The following MOK variants were observed in gnomAD, a reference collection of about 807,000 sequenced individuals.
The protein encoded by MOK is MAPK/MAK/MRK overlapping kinase.
MOK carries 59 observed loss-of-function variants against 54.2 expected under a neutral mutation model. The ratio of observed to expected loss-of-function variants is 1.09; its 90% CI spans 0.88 to 1.35. The LOEUF is 1.35. MOK is among the 40% of genes most tolerant of loss of function. The pLI is 0.00. For synonymous variants in MOK, 210 were observed against 202.7 expected (o/e 1.04, Z -0.31); for missense variants, 517 against 526.2 (o/e 0.98, Z 0.17).
downstream of MOK, among the ~76,000 whole-genome samples, chr14:102,222,652 A>G (rs74641524): frequency 5.7e-3 from 872 of 152,286 alleles, 18 homozygotes; most frequent in East Asian, 0.034. This position sits in a 1 kb window ranked among gnomAD's most constrained non-coding sequence, Gnocchi z 4.4. Context: ...TTCTCTAGGA[A>G]TGGAACGCAG....
chr14:102,242,125 G>T (rs142962015), intron 7 of MOK, among the ~76,000 whole-genome samples: 3 of 152,162 alleles, frequency 2.0e-5, no homozygotes, highest in African/African-American at 7.2e-5. Context: ...TGATTGCCTC[G>T]GAAGCCTCCT....
intron 1 of MOK, among the ~76,000 whole-genome samples, chr14:102,286,022 G>A (rs140847882): frequency 0.018 from 2,748 of 152,172 alleles, 93 homozygotes; most frequent in African/African-American, 0.063. Context: ...CATCCGGGCC[G>A]GGCGCGGTGG....
intron 1 of MOK, among the ~76,000 whole-genome samples, chr14:102,299,073 G>A (rs1326489538): frequency 6.6e-6 from 1 of 152,136 alleles, no homozygotes; most frequent in East Asian, 1.9e-4. Flanking sequence ...GAGGGTCTGA[G>A]GTTTAGTTCT....
chr14:102,302,372 C>G (rs1421925109), intron 1 of MOK, among the ~76,000 whole-genome samples: 1 of 152,058 alleles, frequency 6.6e-6, no homozygotes, highest in Non-Finnish European at 1.5e-5. Flanking sequence ...TGCACCCGGC[C>G]CACAAATGTA....
intron 1 of MOK, among the ~76,000 whole-genome samples, chr14:102,291,654 T>G (rs1190823022): frequency 6.6e-6 from 1 of 152,160 alleles, no homozygotes; most frequent in Non-Finnish European, 1.5e-5. Flanking sequence ...GGGACTTCTC[T>G]CCTTAGAAAG....
In MOK at chr14:102,249,091, T is replaced by C. The variant is rs2066329551; in HGVS notation, c.590+1721A>G. The stretch of plus-strand genomic sequence containing the variant: ...GGAACACGAGGAACTCAGCCTGGCG[T>C]GTGCAGCGACCTTAGCTGCTGGGAG... On this transcript the variant is annotated intron_variant, in intron 7 of 11. Transcript: ENST00000361847. The surrounding 1 kb of genome is among the most constrained non-coding windows in gnomAD (Gnocchi z 5.3). Among the ~76,000 whole-genome samples, 1 of 152,034 alleles carries C rather than the reference T, an allele frequency of 6.6e-6. No homozygotes were observed. The highest frequency in any genetic ancestry group is 1.9e-4 in the East Asian group (1 of 5,154).
downstream of MOK, among the ~76,000 whole-genome samples, chr14:102,219,945 T>G (rs1162711729): frequency 6.6e-6 from 1 of 152,222 alleles, no homozygotes; most frequent in Non-Finnish European, 1.5e-5. Context: ...GTGGTTCTAG[T>G]TGGCTCCTAG....
chr14:102,299,034 C>T (rs1033564965), intron 1 of MOK, among the ~76,000 whole-genome samples: 3 of 152,188 alleles, frequency 2.0e-5, no homozygotes, highest in East Asian at 1.9e-4. Flanking sequence ...TCCAGACACA[C>T]TGCTTTTAAG....
intron 1 of MOK, among the ~76,000 whole-genome samples, chr14:102,293,701 C>CAAAAAAAAAAAAAA (rs10598736): frequency 1.1e-4 from 6 of 54,604 alleles, no homozygotes; most frequent in East Asian, 9.7e-4. Context: ...AACTCCATCA[C>CAAAAAAAAAAAAAA]AAAAAAAAAA....
intron 4 of MOK, among the ~76,000 whole-genome samples, chr14:102,256,892 C>T (rs577906941): frequency 8.5e-5 from 13 of 152,246 alleles, no homozygotes; most frequent in Admixed American, 3.9e-4. Flanking sequence ...TAAGCACACG[C>T]GCCCAAATAC....
Position 102,236,578 on chromosome 14 carries a change from C to G in MOK, c.591-2789G>C, listed in dbSNP as rs2065237424. Among the ~76,000 whole-genome samples the G allele has an allele frequency of 6.6e-6, 1 of 152,186 alleles. No homozygotes were observed. The highest frequency in any genetic ancestry group is 2.4e-5 in the African/African-American group (1 of 41,452). Reference sequence around the variant, plus strand: ...AAGCTTCTATCACCTTTTTCTCCCTCCCTCAACCGGAGTCCCTCCTACTCC... The same window carrying G: ...AAGCTTCTATCACCTTTTTCTCCCTGCCTCAACCGGAGTCCCTCCTACTCC... On this transcript the variant is annotated intron_variant, in intron 7 of 11. Transcript: ENST00000361847. This position sits in a 1 kb window ranked among gnomAD's most constrained non-coding sequence, Gnocchi z 4.5.
chr14:102,281,870 GGAA>G (rs2069480469), intron 2 of MOK, among the ~76,000 whole-genome samples: 1 of 152,176 alleles, frequency 6.6e-6, no homozygotes, highest in African/African-American at 2.4e-5. Context: ...TGCATAGAGA[GGAA>G]GAAGTGCTAG....
intron 4 of MOK, among the ~76,000 whole-genome samples, chr14:102,254,805 C>T (rs562460383): frequency 1.1e-4 from 17 of 152,312 alleles, no homozygotes; most frequent in Admixed American, 3.9e-4. Flanking sequence ...TTATCGAATG[C>T]TCAGGTGAAT....
At chr14:102,296,918 C>A (rs184667679) in intron 1 of MOK, among the ~76,000 whole-genome samples, 2 of 151,812 alleles carry the variant, frequency 1.3e-5, no homozygotes, top group Non-Finnish European at 1.5e-5. Context: ...ATTACCCAGG[C>A]GTGGTGGCAG....
downstream of MOK, chr14:102,222,957 G>GC (rs1224988145): frequency 2.3e-5 from 37 of 1,584,414 alleles, no homozygotes; most frequent in Non-Finnish European, 3.1e-5. The surrounding 1 kb of genome is among the most constrained non-coding windows in gnomAD (Gnocchi z 4.4). Context: ...TCCGAGCTGC[G>GC]CCTGAGCCGT....
intron 1 of MOK, among the ~76,000 whole-genome samples, chr14:102,292,880 T>C (rs1178623001): frequency 2.0e-5 from 3 of 152,164 alleles, no homozygotes; most frequent in Non-Finnish European, 4.4e-5. Context: ...ATGCCTGTAA[T>C]CCCAGCACTT....
chr14:102,267,230 AT>A (rs2067985748), intron 2 of MOK, among the ~76,000 whole-genome samples: 1 of 152,224 alleles, frequency 6.6e-6, no homozygotes, highest in South Asian at 2.1e-4. Flanking sequence ...TTGTTTGGTT[AT>A]TTGAAGAGTA....
downstream of MOK, chr14:102,226,276 A>G: frequency 1.4e-6 from 1 of 694,022 alleles, no homozygotes; most frequent in Admixed American, 2.0e-5. This position sits in a 1 kb window ranked among gnomAD's most constrained non-coding sequence, Gnocchi z 4.8. Flanking sequence ...TGGGTGGATG[A>G]GGGTAGGCTC....
At chr14:102,281,498 CAAAAAAA>C (rs1184533713) in intron 2 of MOK, among the ~76,000 whole-genome samples, 1 of 48,280 alleles carries the variant, frequency 2.1e-5, no homozygotes, top group African/African-American at 6.7e-5. Context: ...GACCCTGACT[CAAAAAAA>C]AAAAAAAAAA....
Sources: gnomAD v4.1 joint callset for allele counts (sites outside exome capture counted in the v4.1 genomes callset) on GRCh38, gnomAD v4.1.1 for gene constraint, Gnocchi (gnomAD v3.1) non-coding constraint, MANE v1.5 for transcripts, NCBI Gene and HGNC (gene_info 2026-07-23, HGNC 2026-07-21) for gene names.